Variants in UGT1A6 observed in about 807,000 individuals in gnomAD.
UGT1A6 encodes UDP glucuronosyltransferase family 1 member A6, also known as UDP-glucuronosyltransferase 1A6.
UGT1A6 carries 32 observed loss-of-function variants against 44.4 expected under a neutral mutation model. That is an observed-to-expected ratio of 0.72 (90% CI 0.54 to 0.97). The LOEUF is 0.97. Ranked by LOEUF, UGT1A6 falls within the 50% of genes least tolerant of loss-of-function variation. The pLI is 0.00. For synonymous variants in UGT1A6, 238 were observed against 248.5 expected (o/e 0.96, Z 0.40); for missense variants, 685 against 661.9 (o/e 1.03, Z -0.38).
rs1257191754 is a variant in UGT1A6 at position 233,693,305 on chromosome 2, G to A, written c.301G>A (p.Glu101Lys). The A allele has an allele frequency of 1.2e-6, 2 of 1,614,074 alleles. No homozygotes were observed. The highest frequency in any genetic ancestry group is 1.3e-5 in the African/African-American group (1 of 74,938). The change falls in exon 1 of 5, where the codon GAG becomes AAG. Residue 101 changes from glutamate to lysine, a missense_variant. Coordinates refer to ENST00000305139, the MANE Select transcript of UGT1A6 (RefSeq NM_001072.4). The part of the protein sequence containing the change: ...YQSFGNNHFA[E>K]RSFLTAPQTE... ...ATCATTTGGAAACAATCACTTTGCT[G>A]AGCGATCATTCCTAACTGCTCCTCA...
At chr2:233,734,165 TG>T (rs2078494496) in intron 1 of UGT1A6, among the ~76,000 whole-genome samples, 1 of 152,186 alleles carries the variant, frequency 6.6e-6, no homozygotes, top group African/African-American at 2.4e-5. Context: ...GGACTTTTTT[TG>T]GTTGGTAGGC....
chr2:233,693,849 G>C lies in UGT1A6; in HGVS notation c.845G>C (p.Arg282Thr), dbSNP rs371810579. The stretch of plus-strand genomic sequence containing the variant: ...ATTGGAGGTATCAACTGTAAGAAGA[G>C]GAAAGACTTGTCTCAGGTTGGTGGG... ...VFIGGINCKK[R>T]KDLSQEFEAY... Residue 282 changes from arginine to threonine, a missense_variant, in exon 1 of 5, where the codon AGG becomes ACG. Arg to Thr is a moderately conservative substitution (Grantham distance 71, BLOSUM62 -1). Transcript: ENST00000305139. 9 of 1,614,082 alleles carry C rather than the reference G, an allele frequency of 5.6e-6. No homozygotes were observed. Among genetic ancestry groups the C allele is most frequent in the Non-Finnish European group, 6.8e-6 (8 of 1,180,036 alleles).
rs1262132657 is a variant in UGT1A6 at position 233,717,698 on chromosome 2, A to G, written c.861+23833A>G. 9.0e-6 allele frequency: 4 copies of G among 446,168 alleles called. No homozygotes were observed. In the Admixed American group the frequency reaches 9.5e-5, roughly 11 times the overall value. The allele number at this position is 446,168 out of a possible 1,614,324, so 27.6% of individuals were successfully genotyped here. A position where few individuals can be genotyped will look rare whatever the true frequency, so the allele number is the denominator to read the frequency against. On this transcript the variant is annotated intron_variant, in intron 1 of 4. Transcript: ENST00000305139. Reference sequence around the variant, plus strand: ...AGCACATGTAGGAGTGACTTTCTGGAGCAGGACGAGCCTCATGGGCATGAG... The same window carrying G: ...AGCACATGTAGGAGTGACTTTCTGGGGCAGGACGAGCCTCATGGGCATGAG...
At chr2:233,744,741 C>G (rs1692905246) in intron 1 of UGT1A6, among the ~76,000 whole-genome samples, 1 of 151,836 alleles carries the variant, frequency 6.6e-6, no homozygotes, top group South Asian at 2.1e-4. Context: ...AATCAAGTAG[C>G]ATTATTATGG....
At chr2:233,719,495 T>C (rs749585950) in intron 1 of UGT1A6, 5 of 1,613,994 alleles carry the variant, frequency 3.1e-6, no homozygotes, top group Non-Finnish European at 4.2e-6. Context: ...ACATTTGCCA[T>C]ACTTTTTCTG....
intron 1 of UGT1A6, among the ~76,000 whole-genome samples, chr2:233,721,326 T>G (rs2076937613): frequency 6.6e-6 from 1 of 152,254 alleles, no homozygotes; most frequent in East Asian, 1.9e-4. Context: ...TTTCTTGTGG[T>G]TTTTCACTAT....
At chr2:233,705,343 T>A (rs2075842379) in intron 1 of UGT1A6, among the ~76,000 whole-genome samples, 1 of 152,224 alleles carries the variant, frequency 6.6e-6, no homozygotes, top group South Asian at 2.1e-4. Flanking sequence ...TCAATTTTTG[T>A]CTTATTACAT....
rs771993243 is a variant in UGT1A6, at chr2:233,755,018, C to T, written c.862-12016C>T. On this transcript the variant is annotated intron_variant, in intron 1 of 4. Transcript: ENST00000305139. ...AGCTGAAGACCTACTCGAAGGGGTC[C>T]TTGAAGGGCCTGCCGCCTGCGCAGC... 3.8e-6 allele frequency: 5 copies of T among 1,302,150 alleles called. No homozygotes were observed. The South Asian group carries it at 4.6e-5, about 12-fold the overall frequency. The allele number at this position is 1,302,150 out of a possible 1,614,324, so 80.7% of individuals were successfully genotyped here.
At chr2:233,759,555 T>TC (rs1410199038) in intron 1 of UGT1A6, among the ~76,000 whole-genome samples, 12 of 152,242 alleles carry the variant, frequency 7.9e-5, no homozygotes, top group Middle Eastern at 6.8e-3. Context: ...CCAGTGAATT[T>TC]CCCTTTCTGG....
intron 1 of UGT1A6, among the ~76,000 whole-genome samples, chr2:233,712,117 G>T (rs1456022041): frequency 6.6e-6 from 1 of 152,198 alleles, no homozygotes; most frequent in Non-Finnish European, 1.5e-5. Flanking sequence ...AAGCAGACTT[G>T]CAGAAGACTG....
At chr2:233,729,111 C>T (rs773243405) in intron 1 of UGT1A6, 49 of 1,612,868 alleles carry the variant, frequency 3.0e-5, no homozygotes, top group Non-Finnish European at 4.0e-5. Flanking sequence ...GTCAGCTGTC[C>T]GTGTCTTCTG....
At chr2:233,734,087 C>A (rs2078476920) in intron 1 of UGT1A6, among the ~76,000 whole-genome samples, 1 of 151,836 alleles carries the variant, frequency 6.6e-6, no homozygotes, top group East Asian at 1.9e-4. Context: ...GCACATGCAC[C>A]CTAAAACTTA....
At chr2:233,745,475 T>C (rs1213140846) in intron 1 of UGT1A6, among the ~76,000 whole-genome samples, 1 of 151,692 alleles carries the variant, frequency 6.6e-6, no homozygotes, top group African/African-American at 2.4e-5. Context: ...GGAAAATGAT[T>C]AACCAAAGAA....
rs1488589072 is a variant in UGT1A6 at position 233,693,460 on chromosome 2, C to T, written c.456C>T (p.Ala152=). Residue 152 remains alanine (A), a synonymous_variant, in exon 1 of 5, where the codon GCC becomes GCT. Transcript: ENST00000305139. ...SKFDALFTDP[A]LPCGVILAEY... is the part of the protein sequence containing the mutation. ...TTGATGCTCTTTTCACAGACCCAGC[C>T]TTACCCTGTGGGGTGATCCTGGCTG... 1.2e-6 allele frequency: 2 copies of T among 1,614,146 alleles called. No individual in the cohort carries two copies. The highest frequency in any genetic ancestry group is 2.2e-5 in the South Asian group (2 of 91,066).
At position 233,693,647 on chromosome 2, in the gene UGT1A6, A is replaced by C; in HGVS notation, c.643A>C (p.Asn215His). The C allele has an allele frequency of 6.2e-7, 1 of 1,614,186 alleles. No homozygotes were observed. ...CCAACGAGTGGCCAACTTCCTTGTT[A>C]ATTTGTTGGAGCCCTATCTATTTTA... Reference protein sequence around the residue: ...FSQRVANFLVNLLEPYLFYCL... With the variant: ...FSQRVANFLVHLLEPYLFYCL... Residue 215 changes from asparagine (N) to histidine (H), a missense_variant, in exon 1 of 5, where the codon AAT (asparagine) becomes CAT (histidine). Physicochemically the swap from Asn to His is moderately conservative, Grantham distance 68. Coordinates refer to ENST00000305139, the MANE Select transcript of UGT1A6 (RefSeq NM_001072.4).
chr2:233,713,876 T>C (rs768644930), intron 1 of UGT1A6: 295 of 1,613,474 alleles, frequency 1.8e-4, no homozygotes, highest in Middle Eastern at 5.2e-4. Flanking sequence ...TTGGTGCCTT[T>C]ATCCAATCAA....
At chr2:233,729,965 A>T (rs149856651) in intron 1 of UGT1A6, 3 of 1,613,950 alleles carry the variant, frequency 1.9e-6, no homozygotes, top group Non-Finnish European at 2.5e-6. Context: ...GGGGGCATCA[A>T]CTGTGCCAAC....
intron 1 of UGT1A6, among the ~76,000 whole-genome samples, chr2:233,766,658 C>A (rs1575821914): frequency 6.6e-6 from 1 of 152,166 alleles, no homozygotes; most frequent in Admixed American, 6.5e-5. Flanking sequence ...AAAGGGACCA[C>A]GCCCTTCCCA....
At position 233,769,777 on chromosome 2, in the gene UGT1A6, C is replaced by G. The variant is rs1699936976; in HGVS notation, c.1301+1338C>G. 7.3e-7 allele frequency: 1 copy of G among 1,373,454 alleles called. No homozygotes were observed. The highest frequency in any genetic ancestry group is 2.6e-5 in the East Asian group (1 of 38,744). 85.1% of individuals were successfully genotyped at this position (1,373,454 alleles called of 1,614,324 possible). ...GGCTAAGGCGGGAGGATTGCTTGAG[C>G]CCAGAAGTTGGAGGCTGCTATGAGC... On this transcript the variant is annotated intron_variant, in intron 4 of 4. Coordinates refer to ENST00000305139, the MANE Select transcript of UGT1A6 (RefSeq NM_001072.4). The surrounding 1 kb of genome is among the most constrained non-coding windows in gnomAD (Gnocchi z 4.4).
Sources: allele counts gnomAD v4.1 joint callset (sites outside exome capture counted in the v4.1 genomes callset), GRCh38; gene constraint gnomAD v4.1.1; non-coding constraint Gnocchi (gnomAD v3.1); transcripts MANE v1.5; gene names NCBI Gene and HGNC (gene_info 2026-07-23, HGNC 2026-07-21).